UBOX5: variants seen among roughly 807,000 people sequenced by gnomAD.
UBOX5 encodes RING finger protein 37.
Under a neutral mutation model 39.0 loss-of-function variants are expected in UBOX5, and 28 were observed. The ratio of observed to expected loss-of-function variants is 0.72; its 90% CI spans 0.53 to 0.98. The LOEUF (loss-of-function observed/expected upper bound fraction) is 0.98. Ranked by LOEUF, UBOX5 falls within the 50% of genes least tolerant of loss-of-function variation. The pLI is 0.00. For synonymous variants in UBOX5, 283 were observed against 275.5 expected (o/e 1.03, Z -0.27); for missense variants, 585 against 674.4 (o/e 0.87, Z 1.47).
intron 1 of UBOX5, among the ~76,000 whole-genome samples, chr20:3,143,194 C>T (rs1204876398): frequency 7.1e-6 from 1 of 141,236 alleles, no homozygotes; most frequent in Non-Finnish European, 1.5e-5. Flanking sequence ...TGCAACCTCT[C>T]TGCCTCCTAG....
chr20:3,135,161 AC>A (rs754499974), intron 1 of UBOX5, among the ~76,000 whole-genome samples: 4 of 152,202 alleles, frequency 2.6e-5, no homozygotes, highest in Non-Finnish European at 5.9e-5. Flanking sequence ...TTTTAAAAAA[AC>A]GTTGGTCAAA....
At position 3,149,136 on chromosome 20, in the gene UBOX5, T is replaced by C. The variant is rs2066599559; in HGVS notation, c.-42+10630A>G. 4 of 1,523,902 alleles carry C rather than the reference T, an allele frequency of 2.6e-6. No homozygotes were observed. The East Asian group carries it at 9.1e-5, about 34-fold the overall frequency. 94.4% of individuals were successfully genotyped at this position (1,523,902 alleles called of 1,614,324 possible). A position where few individuals can be genotyped will look rare whatever the true frequency, so the allele number is the denominator to read the frequency against. ...TCCTCACAGATTTGACCAGGCAATT[T>C]CTTGTTTATATGGTGCTTGATTAGA... On this transcript the variant is annotated intron_variant, in intron 1 of 4. Transcript: ENST00000217173. This position sits in a 1 kb window ranked among gnomAD's most constrained non-coding sequence, Gnocchi z 4.1.
chr20:3,119,932 C>A (rs1280178848), intron 3 of UBOX5, among the ~76,000 whole-genome samples: 2 of 152,164 alleles, frequency 1.3e-5, no homozygotes, highest in Non-Finnish European at 2.9e-5. Context: ...TGAACACATT[C>A]AGCTGCAGAG....
At chr20:3,133,900 G>A (rs1013563766) in intron 1 of UBOX5, among the ~76,000 whole-genome samples, 3 of 151,936 alleles carry the variant, frequency 2.0e-5, no homozygotes, top group South Asian at 2.1e-4. Flanking sequence ...CTACAGGCGC[G>A]CACCACCACA....
At chr20:3,153,412 A>C (rs2066651303) in intron 1 of UBOX5, among the ~76,000 whole-genome samples, 1 of 152,258 alleles carries the variant, frequency 6.6e-6, no homozygotes, top group South Asian at 2.1e-4. Flanking sequence ...CCATCCTTAT[A>C]ACATCTCTGT....
At chr20:3,114,896 T>C (rs1275814676) in intron 4 of UBOX5, among the ~76,000 whole-genome samples, 5 of 152,054 alleles carry the variant, frequency 3.3e-5, no homozygotes. Flanking sequence ...TGCAGTGAGC[T>C]GAGACTGTGC....
chr20:3,148,657 G>C (rs1409800601), intron 1 of UBOX5: 4 of 1,614,156 alleles, frequency 2.5e-6, no homozygotes, highest in Non-Finnish European at 3.4e-6. Context: ...AAACAGACAG[G>C]AGCTGAGAAG....
intron 1 of UBOX5, among the ~76,000 whole-genome samples, chr20:3,127,996 G>A (rs535659484): frequency 6.6e-6 from 1 of 152,316 alleles, no homozygotes. Context: ...ATACACCTTT[G>A]CTTTGCCAGA....
intron 3 of UBOX5, 72 bp downstream of exon 3, chr20:3,121,312 A>T: frequency 2.0e-6 from 3 of 1,532,778 alleles, no homozygotes; most frequent in South Asian, 2.6e-5. Flanking sequence ...CACAAAGCAA[A>T]GGGCAGCAGA....
At chr20:3,158,537 G>A (rs886983147) in intron 1 of UBOX5, among the ~76,000 whole-genome samples, 1 of 152,052 alleles carries the variant, frequency 6.6e-6, no homozygotes. Context: ...GCAGTGGCGC[G>A]ATCTCGGCTC....
At chr20:3,120,521 G>A (rs1013749538) in intron 3 of UBOX5, among the ~76,000 whole-genome samples, 6 of 148,892 alleles carry the variant, frequency 4.0e-5, no homozygotes, top group Admixed American at 6.7e-5. Flanking sequence ...GGTGGCGGGC[G>A]CCTAATCCCA....
chr20:3,115,471 C>T lies in UBOX5; in HGVS notation c.1256-5G>A, dbSNP rs1568468689. 1.2e-6 allele frequency: 2 copies of T among 1,610,438 alleles called. No individual in the cohort carries two copies. ...TCTGCTCGTGGGACAGTGGACCTGT[C>T]GAGAGATGCGCACAGCACAACATCC... On this transcript the variant is annotated splice_polypyrimidine_tract_variant and splice_region_variant and intron_variant, in intron 3 of 4. Coordinates refer to ENST00000217173, the MANE Select transcript of UBOX5 (RefSeq NM_014948.4).
At chr20:3,112,281 T>C (rs940013169) in intron 4 of UBOX5, among the ~76,000 whole-genome samples, 6 of 151,898 alleles carry the variant, frequency 4.0e-5, no homozygotes, top group Non-Finnish European at 7.4e-5. Flanking sequence ...CAGTGCATGA[T>C]GAGAATTTAT....
intron 4 of UBOX5, chr20:3,110,626 C>G (rs2066246291): frequency 2.5e-6 from 1 of 393,368 alleles, no homozygotes; most frequent in Non-Finnish European, 4.8e-6. Context: ...CTTTCCCCTG[C>G]GATAGGTGGC....
intron 3 of UBOX5, 96 bp from the exon 4 acceptor site, chr20:3,115,562 A>C: frequency 7.7e-7 from 1 of 1,295,482 alleles, no homozygotes; most frequent in Non-Finnish European, 1.0e-6. Context: ...GGCACCTCCA[A>C]TCTCACACAT....
At chr20:3,115,260 A>AC in intron 4 of UBOX5, 45 bp downstream of exon 4, 1 of 1,566,952 alleles carries the variant, frequency 6.4e-7, no homozygotes, top group Non-Finnish European at 8.6e-7. Context: ...CAGAAAACAG[A>AC]CCACCCATTC....
intron 1 of UBOX5, among the ~76,000 whole-genome samples, chr20:3,157,305 G>A (rs1019692989): frequency 3.3e-5 from 5 of 152,196 alleles, no homozygotes; most frequent in African/African-American, 4.8e-5. Flanking sequence ...CCAGTACTGC[G>A]AAGGTGAAGC....
At chr20:3,117,777 A>T (rs2066304517) in intron 3 of UBOX5, among the ~76,000 whole-genome samples, 1 of 152,114 alleles carries the variant, frequency 6.6e-6, no homozygotes, top group South Asian at 2.1e-4. Context: ...AGATCACCTG[A>T]GGTCAGGAGT....
At position 3,108,635 on chromosome 20, in the gene UBOX5, G is replaced by T. The variant is rs1400090268; in HGVS notation, c.*1471C>A. Reference sequence around the variant, plus strand: ...TCTGAAGCCATCTTTGTGGACAAATGATGTAGGAACTCAAAAAAATGCAGG... The same window carrying T: ...TCTGAAGCCATCTTTGTGGACAAATTATGTAGGAACTCAAAAAAATGCAGG... On this transcript the variant is annotated 3_prime_UTR_variant, in exon 5 of 5. Transcript: ENST00000217173. The T allele has an allele frequency of 6.6e-6, 1 of 152,250 alleles. No homozygotes were observed. Among genetic ancestry groups the T allele is most frequent in the East Asian group, 1.9e-4 (1 of 5,194 alleles). The allele number at this position is 152,250 out of a possible 1,614,324, so 9.4% of individuals were successfully genotyped here. A position where few individuals can be genotyped will look rare whatever the true frequency, so the allele number is the denominator to read the frequency against.
Sources: allele counts gnomAD v4.1 joint callset (sites outside exome capture counted in the v4.1 genomes callset), GRCh38; gene constraint gnomAD v4.1.1; non-coding constraint Gnocchi (gnomAD v3.1); transcripts MANE v1.5; gene names NCBI Gene and HGNC (gene_info 2026-07-23, HGNC 2026-07-21).